The following XYLB variants were observed in gnomAD, a reference collection of about 807,000 sequenced individuals.
The protein encoded by XYLB is xylulokinase.
XYLB carries 62 observed loss-of-function variants against 78.7 expected under a neutral mutation model. The observed-to-expected ratio is 0.79, with a 90% CI of 0.64 to 0.97. The LOEUF is 0.97. Among genes scored for constraint, XYLB ranks in the 50% least tolerant of loss-of-function variants. The probability of loss-of-function intolerance (pLI) is 0.00; values close to 1 mark genes in which losing one functional copy is unlikely to be tolerated. For synonymous variants in XYLB, 245 were observed against 247.4 expected, an observed-to-expected ratio of 0.99 and a Z score of 0.09; for missense variants, 687 against 676.8, an observed-to-expected ratio of 1.02 and a Z score of -0.17.
chr3:38,371,128 GAGAC>G (rs1417488391), intron 9 of XYLB, among the ~76,000 whole-genome samples: 1 of 152,176 alleles, frequency 6.6e-6, no homozygotes, highest in Non-Finnish European at 1.5e-5. Flanking sequence ...TTTCTTTTCA[GAGAC>G]AGAGTCTCAC....
At chr3:38,354,899 C>T (rs1272452069) in intron 2 of XYLB, among the ~76,000 whole-genome samples, 3 of 152,210 alleles carry the variant, frequency 2.0e-5, no homozygotes, top group Admixed American at 6.5e-5. Context: ...TCTAAGCACA[C>T]GTTATGACTT....
At chr3:38,427,082 C>G in the XYLB span, among the ~76,000 whole-genome samples, 3 of 152,220 alleles carry the variant, frequency 2.0e-5, no homozygotes, top group African/African-American at 4.8e-5. Flanking sequence ...TCTATAGAAG[C>G]AATGCTTATC....
chr3:38,383,749 C>T (rs922406622), intron 15 of XYLB, among the ~76,000 whole-genome samples: 1 of 152,144 alleles, frequency 6.6e-6, no homozygotes, highest in Admixed American at 6.5e-5. Context: ...GCTGTGATTG[C>T]ACCACTTCAC....
downstream of XYLB, among the ~76,000 whole-genome samples, chr3:38,422,660 G>A (rs796552237): frequency 6.6e-6 from 1 of 152,078 alleles, no homozygotes; most frequent in African/African-American, 2.4e-5. Flanking sequence ...TCAGCCAATT[G>A]TAACTTCTGT....
At chr3:38,411,984 C>CTTTTTTTTTTTTTTTTT (rs5848424) in intron 18 of XYLB, among the ~76,000 whole-genome samples, 3 of 138,196 alleles carry the variant, frequency 2.2e-5, no homozygotes, top group Non-Finnish European at 3.2e-5. Context: ...GATCTCAACT[C>CTTTTTTTTTTTTTTTTT]TTTTTTTTTT....
At chr3:38,401,671 G>A (rs2125657676) in intron 18 of XYLB, among the ~76,000 whole-genome samples, 1 of 152,292 alleles carries the variant, frequency 6.6e-6, no homozygotes, top group Non-Finnish European at 1.5e-5. Context: ...GTCATCACAT[G>A]TGGGCCACCC....
At chr3:38,406,552 T>C (rs1299935549) in intron 18 of XYLB, among the ~76,000 whole-genome samples, 7 of 151,976 alleles carry the variant, frequency 4.6e-5, no homozygotes, top group African/African-American at 7.3e-5. Context: ...CTTTGACGAG[T>C]TGAGAGAAGG....
chr3:38,444,346 C>T, the XYLB span, among the ~76,000 whole-genome samples: 39 of 152,162 alleles, frequency 2.6e-4, no homozygotes, highest in Non-Finnish European at 2.9e-4. Flanking sequence ...GATTTCTTTG[C>T]TTGTTTCCTT....
intron 12 of XYLB, 119 bp downstream of exon 12, chr3:38,375,378 C>CAGCAGAGCCCGGGAAA: frequency 1.1e-6 from 1 of 895,156 alleles, no homozygotes; most frequent in Non-Finnish European, 1.7e-6. Context: ...TCCACTTTCC[C>CAGCAGAGCCCGGGAAA]GGGCTCTGCT....
chr3:38,347,080 G>C (rs1705105808), intron 1 of XYLB, among the ~76,000 whole-genome samples, 155 bp downstream of exon 1: 1 of 152,124 alleles, frequency 6.6e-6, no homozygotes, highest in Non-Finnish European at 1.5e-5. Flanking sequence ...TGCCCTGCGC[G>C]CGGCCGTGGG....
Position 38,375,182 on chromosome 3 carries a change from C to G in XYLB, c.927C>G (p.Leu309=), listed in dbSNP as rs1371723259. The G allele has an allele frequency of 6.2e-7, 1 of 1,614,066 alleles. No individual in the cohort carries two copies. The highest frequency in any genetic ancestry group is 8.5e-7 in the Non-Finnish European group (1 of 1,180,036). The change falls in exon 12 of 19, where the codon CTC becomes CTG. Residue 309 remains leucine, a synonymous_variant. Transcript: ENST00000207870. ...LGTSDTLFLW[L]QEPMPALEGH... is the part of the protein sequence containing the mutation. ...CCAGTGACACCCTGTTTCTCTGGCT[C>G]CAAGAGCCCATGCCTGCCCTGGAAG...
intron 5 of XYLB, 36 bp from the exon 6 acceptor site, chr3:38,365,568 CGGAT>C: frequency 6.4e-7 from 1 of 1,573,056 alleles, no homozygotes; most frequent in Non-Finnish European, 8.7e-7. Flanking sequence ...TCCAAGTCAG[CGGAT>C]GGAGCTTAAG....
At chr3:38,406,973 A>G (rs1708349685) in intron 18 of XYLB, among the ~76,000 whole-genome samples, 1 of 150,828 alleles carries the variant, frequency 6.6e-6, no homozygotes, top group Non-Finnish European at 1.5e-5. Context: ...GATATTATCC[A>G]GGAGAACTTC....
intron 2 of XYLB, among the ~76,000 whole-genome samples, chr3:38,358,984 GGA>G (rs1705826876): frequency 6.6e-6 from 1 of 152,136 alleles, no homozygotes; most frequent in Admixed American, 6.5e-5. Context: ...GCTCGGTTGT[GGA>G]GACTCCAACG....
At chr3:38,436,210 C>A in the XYLB span, among the ~76,000 whole-genome samples, 1 of 151,598 alleles carries the variant, frequency 6.6e-6, no homozygotes, top group African/African-American at 2.4e-5. Flanking sequence ...GAGAGAAGAC[C>A]CAAATAAAAT....
chr3:38,359,419 C>G (rs557783475), intron 2 of XYLB, among the ~76,000 whole-genome samples: 1 of 152,186 alleles, frequency 6.6e-6, no homozygotes, highest in Non-Finnish European at 1.5e-5. Context: ...TGTTTATGGC[C>G]AGTTTCTTTA....
chr3:38,409,611 A>G (rs1383695147), intron 18 of XYLB, among the ~76,000 whole-genome samples: 1 of 152,232 alleles, frequency 6.6e-6, no homozygotes, highest in Non-Finnish European at 1.5e-5. Context: ...CTGTTTGCAG[A>G]TGACATGATT....
At chr3:38,386,799 G>A (rs1707400581) in intron 15 of XYLB, among the ~76,000 whole-genome samples, 1 of 152,146 alleles carries the variant, frequency 6.6e-6, no homozygotes, top group Non-Finnish European at 1.5e-5. Context: ...CAGAGCTTCA[G>A]GAAGGAATGT....
the XYLB span, among the ~76,000 whole-genome samples, chr3:38,437,279 G>A: frequency 3.3e-5 from 5 of 152,054 alleles, no homozygotes; most frequent in African/African-American, 4.8e-5. Flanking sequence ...TTAACAAAGG[G>A]CATATACAAC....
Sources: gnomAD v4.1 joint callset for allele counts (sites outside exome capture counted in the v4.1 genomes callset) on GRCh38, gnomAD v4.1.1 for gene constraint, MANE v1.5 for transcripts, NCBI Gene and HGNC (gene_info 2026-07-23, HGNC 2026-07-21) for gene names.